MAGI1: variants seen among roughly 807,000 people sequenced by gnomAD.
The protein encoded by MAGI1 is membrane-associated guanylate kinase, WW and PDZ domain-containing protein 1.
Under a neutral mutation model 139.9 loss-of-function variants are expected in MAGI1, and 58 were observed. That is an observed-to-expected ratio of 0.41 (90% CI 0.34 to 0.52). MAGI1 has a LOEUF of 0.52. MAGI1 is among the 20% of genes least tolerant of loss of function. The pLI, the probability that MAGI1 is intolerant of heterozygous loss-of-function variation, is 0.12. For missense variants in MAGI1, 1,874 were observed against 1,901.6 expected (o/e 0.99, Z 0.27); for synonymous variants, 812 against 737.9 (o/e 1.10, Z -1.63).
At chr3:65,868,855 A>C (rs1396043940) in intron 1 of MAGI1, among the ~76,000 whole-genome samples, 1 of 152,116 alleles carries the variant, frequency 6.6e-6, no homozygotes, top group East Asian at 1.9e-4. Flanking sequence ...ACTTCTCGAC[A>C]AAGTCCACCC....
At chr3:65,864,888 T>C (rs1188807221) in intron 1 of MAGI1, among the ~76,000 whole-genome samples, 2 of 152,170 alleles carry the variant, frequency 1.3e-5, no homozygotes, top group African/African-American at 4.8e-5. Flanking sequence ...CTGGCAGGGA[T>C]AAAGAAAGAT....
chr3:65,965,998 G>A (rs1052531337), intron 1 of MAGI1, among the ~76,000 whole-genome samples: 1 of 152,138 alleles, frequency 6.6e-6, no homozygotes. Flanking sequence ...ACTTCTCAGA[G>A]ATAGAAGACG....
intron 18 of MAGI1, 85 bp downstream of exon 18, chr3:65,375,660 A>G (rs2106847590): frequency 8.6e-7 from 1 of 1,161,646 alleles, no homozygotes; most frequent in East Asian, 2.3e-5. Context: ...AACACTAATC[A>G]AAGAGAGAGA....
intron 7 of MAGI1, among the ~76,000 whole-genome samples, chr3:65,444,997 A>C (rs1948588897): frequency 6.6e-6 from 1 of 152,240 alleles, no homozygotes; most frequent in Non-Finnish European, 1.5e-5. Flanking sequence ...TGGTTCTAAA[A>C]GACTGAAAAA....
chr3:65,668,215 G>A (rs753030843), intron 1 of MAGI1, among the ~76,000 whole-genome samples: 8 of 152,266 alleles, frequency 5.3e-5, no homozygotes, highest in South Asian at 2.1e-4. Context: ...AAGGGTTGAC[G>A]TGAGGTTTAA....
At chr3:65,891,707 G>A (rs2060754945) in intron 1 of MAGI1, among the ~76,000 whole-genome samples, 1 of 128,934 alleles carries the variant, frequency 7.8e-6, no homozygotes, top group Admixed American at 8.3e-5. Flanking sequence ...TGGAAGACTG[G>A]GATACAAACC....
At chr3:65,720,331 C>G (rs184265327) in intron 1 of MAGI1, among the ~76,000 whole-genome samples, 1 of 152,240 alleles carries the variant, frequency 6.6e-6, no homozygotes, top group East Asian at 1.9e-4. Context: ...TGTGAAGTAC[C>G]TTACCTGCCA....
At chr3:65,517,444 G>A (rs1031719792) in intron 2 of MAGI1, among the ~76,000 whole-genome samples, 1 of 152,090 alleles carries the variant, frequency 6.6e-6, no homozygotes, top group South Asian at 2.1e-4. Flanking sequence ...TAGTGGCTTG[G>A]CTCCAAATCT....
At chr3:65,690,823 C>A (rs949886722) in intron 1 of MAGI1, among the ~76,000 whole-genome samples, 1 of 125,248 alleles carries the variant, frequency 8.0e-6, no homozygotes, top group African/African-American at 3.3e-5. Context: ...CTATTATAGT[C>A]TATGTTAAAA....
chr3:65,509,453 G>C (rs1012402593), intron 2 of MAGI1, among the ~76,000 whole-genome samples: 17 of 152,298 alleles, frequency 1.1e-4, no homozygotes, highest in African/African-American at 4.1e-4. Context: ...TGCGCGTACC[G>C]TGCGCAAGCC....
At chr3:65,798,981 T>G (rs1165356072) in intron 1 of MAGI1, among the ~76,000 whole-genome samples, 1 of 152,098 alleles carries the variant, frequency 6.6e-6, no homozygotes, top group African/African-American at 2.4e-5. Flanking sequence ...GTGCTTGTGT[T>G]CAAGAAACCT....
chr3:65,826,017 T>A (rs1251089174), intron 1 of MAGI1, among the ~76,000 whole-genome samples: 3 of 151,412 alleles, frequency 2.0e-5, no homozygotes, highest in Non-Finnish European at 2.9e-5. Flanking sequence ...TTTTTGAATT[T>A]TATATATATA....
intron 17 of MAGI1, 162 bp downstream of exon 17, chr3:65,379,099 G>T: frequency 2.1e-6 from 3 of 1,449,248 alleles, no homozygotes; most frequent in Non-Finnish European, 2.8e-6. Context: ...AAGGGAAAAA[G>T]CTACCAAATC....
chr3:65,845,764 C>T (rs566294723), intron 1 of MAGI1, among the ~76,000 whole-genome samples: 3 of 152,302 alleles, frequency 2.0e-5, no homozygotes, highest in Non-Finnish European at 2.9e-5. Context: ...ACACCTGTCT[C>T]GACCTTCTCT....
At chr3:65,948,071 A>G (rs1047120363) in intron 1 of MAGI1, among the ~76,000 whole-genome samples, 3 of 149,930 alleles carry the variant, frequency 2.0e-5, no homozygotes, top group Non-Finnish European at 4.4e-5. Context: ...CCTCCTGAGT[A>G]GCTGGGATTA....
chr3:65,401,465 G>T lies in MAGI1; in HGVS notation c.2173C>A (p.Pro725Thr). ...GACTTTGGGCTCTTCTTGGGAACTGGCAGCCCTGGAAAAAATGCAACAAGG... is the reference window on the plus strand; with the variant it reads ...GACTTTGGGCTCTTCTTGGGAACTGTCAGCCCTGGAAAAAATGCAACAAGG... ...VTLLVQRGGLPVPKKSPKSQP... is the reference protein window; with the variant it reads ...VTLLVQRGGLTVPKKSPKSQP... The change falls in exon 13 of 23, where the codon CCA (proline) becomes ACA (threonine). Residue 725 changes from proline (P) to threonine (T), a missense_variant. Pro to Thr is a conservative substitution (Grantham distance 38, BLOSUM62 -1). Coordinates refer to ENST00000402939, the MANE Select transcript of MAGI1 (RefSeq NM_001033057.2). 6.2e-7 allele frequency: 1 copy of T among 1,612,078 alleles called. No individual in the cohort carries two copies. The highest frequency in any genetic ancestry group is 1.3e-5 in the African/African-American group (1 of 74,904).
At chr3:65,466,895 G>C (rs547883617) in intron 5 of MAGI1, among the ~76,000 whole-genome samples, 47 of 152,318 alleles carry the variant, frequency 3.1e-4, no homozygotes, top group African/African-American at 1.1e-3. Flanking sequence ...TAGGACCACA[G>C]GTTTTTCTGC....
chr3:65,963,457 AAC>A (rs1468377230), intron 1 of MAGI1, among the ~76,000 whole-genome samples: 1 of 152,090 alleles, frequency 6.6e-6, no homozygotes. Flanking sequence ...CTCTACTAAA[AAC>A]ACAAAAATTC....
chr3:65,465,980 T>C (rs1447966932), intron 5 of MAGI1, among the ~76,000 whole-genome samples: 1 of 152,160 alleles, frequency 6.6e-6, no homozygotes, highest in Non-Finnish European at 1.5e-5. Flanking sequence ...TCAGGTCCAC[T>C]GATTCTCTCC....
Sources: gnomAD v4.1 joint callset for allele counts (sites outside exome capture counted in the v4.1 genomes callset) on GRCh38, gnomAD v4.1.1 for gene constraint, MANE v1.5 for transcripts, NCBI Gene and HGNC (gene_info 2026-07-23, HGNC 2026-07-21) for gene names.